HS6ST3: variants seen among roughly 807,000 people sequenced by gnomAD.
HS6ST3 encodes heparan-sulfate 6-O-sulfotransferase 3.
HS6ST3 carries 12 observed loss-of-function variants against 36.7 expected under a neutral mutation model. The ratio of observed to expected loss-of-function variants is 0.33; its 90% CI spans 0.21 to 0.53. The LOEUF is 0.53. Among genes scored for constraint, HS6ST3 ranks in the 20% least tolerant of loss-of-function variants. The pLI, the probability that HS6ST3 is intolerant of heterozygous loss-of-function variation, is 0.95. For missense variants in HS6ST3, 584 were observed against 640.9 expected, an observed-to-expected ratio of 0.91 and a Z score of 0.96; for synonymous variants, 240 against 257.5, an observed-to-expected ratio of 0.93 and a Z score of 0.65.
chr13:96,464,162 T>C (rs200298213), intron 1 of HS6ST3, among the ~76,000 whole-genome samples: 7 of 34,026 alleles, frequency 2.1e-4, no homozygotes, highest in Non-Finnish European at 4.4e-4. Context: ...AAAAAAAAAA[T>C]CAAAGATCTG....
At chr13:96,153,322 A>G (rs2054095960) in intron 1 of HS6ST3, among the ~76,000 whole-genome samples, 2 of 152,226 alleles carry the variant, frequency 1.3e-5, no homozygotes, top group Admixed American at 1.3e-4. Context: ...CTCAATCAAT[A>G]GGAATCAGAG....
chr13:96,266,046 T>A (rs1355436566), intron 1 of HS6ST3, among the ~76,000 whole-genome samples: 1 of 151,102 alleles, frequency 6.6e-6, no homozygotes, highest in Non-Finnish European at 1.5e-5. Context: ...TGCAGGGTTA[T>A]TTTTTTTTAA....
At chr13:96,497,208 T>C (rs532787997) in intron 1 of HS6ST3, among the ~76,000 whole-genome samples, 20 of 152,084 alleles carry the variant, frequency 1.3e-4, no homozygotes, top group Non-Finnish European at 7.4e-5. Flanking sequence ...ATATGTGTGC[T>C]CTCAGCCCAT....
At chr13:96,688,203 G>T (rs965361871) in intron 1 of HS6ST3, among the ~76,000 whole-genome samples, 3 of 90,694 alleles carry the variant, frequency 3.3e-5, no homozygotes, top group Non-Finnish European at 6.4e-5. Context: ...ATGTACCCTA[G>T]AACTTAAAGT....
intron 1 of HS6ST3, among the ~76,000 whole-genome samples, chr13:96,217,674 G>A (rs1302248201): frequency 6.6e-6 from 1 of 152,134 alleles, no homozygotes; most frequent in Non-Finnish European, 1.5e-5. Flanking sequence ...GTCAAGTAGG[G>A]CAGGAATTTG....
intron 1 of HS6ST3, among the ~76,000 whole-genome samples, chr13:96,276,533 A>G (rs919668243): frequency 1.3e-5 from 2 of 152,204 alleles, no homozygotes; most frequent in African/African-American, 4.8e-5. Context: ...ACCAGTATAA[A>G]TAGTCACCTG....
At chr13:96,518,485 G>A (rs767356518) in intron 1 of HS6ST3, among the ~76,000 whole-genome samples, 55 of 152,044 alleles carry the variant, frequency 3.6e-4, no homozygotes, top group Non-Finnish European at 6.6e-4. Context: ...ATTATCTTGT[G>A]TACAAAACTA....
chr13:96,679,248 A>G (rs533564803), intron 1 of HS6ST3, among the ~76,000 whole-genome samples: 1 of 151,592 alleles, frequency 6.6e-6, no homozygotes, highest in Non-Finnish European at 1.5e-5. Context: ...GCATTTATAG[A>G]ATGCTAACAT....
chr13:96,259,150 G>T (rs1381271168), intron 1 of HS6ST3, among the ~76,000 whole-genome samples: 1 of 151,924 alleles, frequency 6.6e-6, no homozygotes, highest in African/African-American at 2.4e-5. Context: ...GTGTGTATGT[G>T]TGTGTCTGTG....
intron 1 of HS6ST3, among the ~76,000 whole-genome samples, chr13:96,161,244 C>A (rs1594699403): frequency 6.6e-6 from 1 of 152,084 alleles, no homozygotes; most frequent in African/African-American, 2.4e-5. Context: ...TAAGTACACT[C>A]ACAGAGATAG....
At chr13:96,368,514 A>ATTT (rs1566339714) in intron 1 of HS6ST3, among the ~76,000 whole-genome samples, 1,932 of 149,070 alleles carry the variant, frequency 0.013, 14 homozygotes, top group Middle Eastern at 0.042. Context: ...TTTTTTTTTA[A>ATTT]AAAAAAAACA....
At chr13:96,780,610 A>C (rs9584410) in intron 1 of HS6ST3, among the ~76,000 whole-genome samples, 1 of 151,902 alleles carries the variant, frequency 6.6e-6, no homozygotes, top group Non-Finnish European at 1.5e-5. Flanking sequence ...ATTTCCTATA[A>C]TTATATGGGT....
Position 96,520,424 on chromosome 13 carries a change from G to A in HS6ST3, c.708-312066G>A, listed in dbSNP as rs145264353. ...GTGGTAGCTTGATGGGAATATAATT[G>A]AATCTATAAATTACTTTGGGCAGTA... is the stretch of plus-strand genomic sequence containing the variant. On this transcript the variant is annotated intron_variant, in intron 1 of 1. Coordinates refer to ENST00000376705, the MANE Select transcript of HS6ST3 (RefSeq NM_153456.4). 5.9e-5 allele frequency among the ~76,000 whole-genome samples: 9 copies of A among 152,250 alleles called. 1 individual carries two copies. The East Asian group carries it at 1.7e-3, about 29-fold the overall frequency.
At chr13:96,623,108 T>G (rs2138995922) in intron 1 of HS6ST3, among the ~76,000 whole-genome samples, 1 of 152,348 alleles carries the variant, frequency 6.6e-6, no homozygotes, top group Middle Eastern at 3.4e-3. Flanking sequence ...TTTTTCATTT[T>G]ATTTGGTAAT....
At chr13:96,656,955 TTGTGTGTGTGTG>T (rs754838881) in intron 1 of HS6ST3, among the ~76,000 whole-genome samples, 264 of 122,300 alleles carry the variant, frequency 2.2e-3, no homozygotes, top group East Asian at 8.2e-3. Context: ...GGCTTTTCTT[TTGTGTGTGTGTG>T]TGTGTGTGTG....
intron 1 of HS6ST3, among the ~76,000 whole-genome samples, chr13:96,224,784 G>A (rs2054472487): frequency 1.3e-5 from 2 of 152,320 alleles, no homozygotes; most frequent in African/African-American, 4.8e-5. Flanking sequence ...GTTTCATGAT[G>A]CTGTAGACCA....
intron 1 of HS6ST3, among the ~76,000 whole-genome samples, chr13:96,115,339 T>TGTAC (rs1433916309): frequency 1.3e-5 from 2 of 152,192 alleles, no homozygotes; most frequent in African/African-American, 4.8e-5. Flanking sequence ...GTTACATAGG[T>TGTAC]GTACGTGTAC....
intron 1 of HS6ST3, among the ~76,000 whole-genome samples, chr13:96,135,711 T>G (rs932926952): frequency 1.3e-5 from 2 of 152,188 alleles, no homozygotes; most frequent in Non-Finnish European, 2.9e-5. Context: ...GGAGGTGTTG[T>G]GCCTATTAAC....
At chr13:96,422,293 T>C (rs2055566214) in intron 1 of HS6ST3, among the ~76,000 whole-genome samples, 1 of 152,196 alleles carries the variant, frequency 6.6e-6, no homozygotes, top group Admixed American at 6.5e-5. Flanking sequence ...CTCTCTTTTG[T>C]CATATATTTT....
Sources: allele counts gnomAD v4.1 joint callset (sites outside exome capture counted in the v4.1 genomes callset), GRCh38; gene constraint gnomAD v4.1.1; transcripts MANE v1.5; gene names NCBI Gene and HGNC (gene_info 2026-07-23, HGNC 2026-07-21).